Variants in NF1 observed in about 807,000 individuals in gnomAD.
NF1 encodes neurofibromin.
Under a neutral mutation model 325.7 loss-of-function variants are expected in NF1, and 122 were observed. The observed-to-expected ratio is 0.37, with a 90% CI of 0.32 to 0.44. NF1 has a LOEUF of 0.44. Among genes scored for constraint, NF1 ranks in the 20% least tolerant of loss-of-function variants. The pLI, the probability that NF1 is intolerant of heterozygous loss-of-function variation, is 1.00. For synonymous variants in NF1, 1,091 were observed against 1,186.0 expected (o/e 0.92, Z 1.65); for missense variants, 2,140 against 3,415.4 (o/e 0.63, Z 9.31).
At chr17:31,330,158 T>G in intron 38 of NF1, 138 bp from the exon 39 acceptor site, 1 of 763,612 alleles carries the variant, frequency 1.3e-6, no homozygotes, top group Non-Finnish European at 2.2e-6. Context: ...TTATAACATC[T>G]TATTTCTAAC....
intron 36 of NF1, chr17:31,295,131 T>G (rs1323835424): frequency 2.5e-6 from 4 of 1,614,150 alleles, no homozygotes; most frequent in Non-Finnish European, 3.4e-6. Context: ...CTCCATAAGT[T>G]AAGGGTTGTG....
At chr17:31,304,760 C>A in intron 36 of NF1, 1 of 1,614,114 alleles carries the variant, frequency 6.2e-7, no homozygotes, top group Non-Finnish European at 8.5e-7. Flanking sequence ...AAGTCATCTG[C>A]TAAAAGTGTG....
chr17:31,178,104 A>G (rs2066057222), intron 5 of NF1, among the ~76,000 whole-genome samples: 1 of 152,200 alleles, frequency 6.6e-6, no homozygotes, highest in African/African-American at 2.4e-5. Context: ...AAAAATATTA[A>G]GGGCAGCCAG....
intron 1 of NF1, among the ~76,000 whole-genome samples, chr17:31,114,833 G>A (rs1913758992): frequency 6.6e-6 from 1 of 152,128 alleles, no homozygotes; most frequent in African/African-American, 2.4e-5. Flanking sequence ...CAGCCTGGGC[G>A]ACAGAGCAAG....
At chr17:31,319,532 A>G (rs2069122778) in intron 36 of NF1, among the ~76,000 whole-genome samples, 1 of 152,148 alleles carries the variant, frequency 6.6e-6, no homozygotes, top group African/African-American at 2.4e-5. Context: ...GGTAGCAACC[A>G]AAAGAAACTG....
chr17:31,193,573 G>C (rs2066384393), intron 8 of NF1, among the ~76,000 whole-genome samples: 1 of 152,140 alleles, frequency 6.6e-6, no homozygotes, highest in Admixed American at 6.6e-5. Flanking sequence ...AGAGTGAAAA[G>C]ACAACCTACA....
At chr17:31,153,795 G>A (rs1917116398) in intron 1 of NF1, among the ~76,000 whole-genome samples, 1 of 141,152 alleles carries the variant, frequency 7.1e-6, no homozygotes, top group Non-Finnish European at 1.5e-5. Flanking sequence ...TTTTTTTAAA[G>A]TAAAGATGAG....
At chr17:31,306,555 A>G (rs914631242) in intron 36 of NF1, among the ~76,000 whole-genome samples, 1 of 152,276 alleles carries the variant, frequency 6.6e-6, no homozygotes, top group East Asian at 1.9e-4. Context: ...TCTTAGGCAC[A>G]GAGTCTATTA....
intron 8 of NF1, among the ~76,000 whole-genome samples, chr17:31,190,922 T>C (rs554397265): frequency 3.2e-4 from 48 of 152,356 alleles, no homozygotes; most frequent in African/African-American, 1.0e-3. Flanking sequence ...TTACCTTCTC[T>C]TTCAGAGGTA....
chr17:31,131,921 T>C (rs1915425917), intron 1 of NF1, among the ~76,000 whole-genome samples: 1 of 151,982 alleles, frequency 6.6e-6, no homozygotes, highest in African/African-American at 2.4e-5. Context: ...TTTTTTTTTC[T>C]GTTTGTGTAT....
intron 19 of NF1, 84 bp downstream of exon 19, chr17:31,227,375 T>A (rs2067034444): frequency 6.6e-7 from 1 of 1,504,018 alleles, no homozygotes; most frequent in African/African-American, 1.4e-5. Flanking sequence ...TGATCAGGAA[T>A]AGCTTTTGAA....
intron 1 of NF1, among the ~76,000 whole-genome samples, chr17:31,147,888 T>C (rs1916686354): frequency 6.6e-6 from 1 of 152,248 alleles, no homozygotes; most frequent in Admixed American, 6.5e-5. Context: ...TCTTCAGTTT[T>C]GCCAATCTAG....
At chr17:31,113,533 G>A (rs1211015219) in intron 1 of NF1, among the ~76,000 whole-genome samples, 1 of 151,768 alleles carries the variant, frequency 6.6e-6, no homozygotes. Context: ...ACTTGGCCAG[G>A]CCGTAAATTG....
intron 36 of NF1, among the ~76,000 whole-genome samples, chr17:31,312,802 A>G (rs1221732589): frequency 6.6e-6 from 1 of 152,146 alleles, no homozygotes; most frequent in African/African-American, 2.4e-5. Context: ...GAAATGGGAT[A>G]TCACCCACTA....
chr17:31,269,171 A>G (rs16972133), intron 36 of NF1, among the ~76,000 whole-genome samples: 4 of 152,128 alleles, frequency 2.6e-5, no homozygotes, highest in Non-Finnish European at 5.9e-5. Flanking sequence ...GACTACTTCT[A>G]GGTAATCTTA....
intron 1 of NF1, among the ~76,000 whole-genome samples, chr17:31,139,272 T>C (rs1916031190): frequency 6.6e-6 from 1 of 152,072 alleles, no homozygotes; most frequent in Non-Finnish European, 1.5e-5. Context: ...GGTCTGAAAC[T>C]CCTGTCCTCA....
chr17:31,336,802 C>T lies in NF1; in HGVS notation c.6315C>T (p.His2105=), dbSNP rs145732909. The T allele has an allele frequency of 3.9e-5, 63 of 1,614,068 alleles. No homozygotes were observed. The highest frequency in any genetic ancestry group is 1.5e-4 in the South Asian group (14 of 91,070). Residue 2105 remains histidine (H), a synonymous_variant, in exon 42 of 58, where the codon CAC becomes CAT. Transcript: ENST00000358273. The surrounding 1 kb of genome is among the most constrained non-coding windows in gnomAD (Gnocchi z 5.5). ...DVAAHLPYLF[H]VVTFLVATGP... ...CAGCTCATCTTCCCTACCTCTTCCACGTTGTTACTTTCTTAGTAGCCACAG... is the reference window on the plus strand; with the variant it reads ...CAGCTCATCTTCCCTACCTCTTCCATGTTGTTACTTTCTTAGTAGCCACAG...
At chr17:31,309,749 T>G (rs2068819113) in intron 36 of NF1, among the ~76,000 whole-genome samples, 1 of 152,158 alleles carries the variant, frequency 6.6e-6, no homozygotes, top group African/African-American at 2.4e-5. Flanking sequence ...AAACCCAGGT[T>G]AGTTTGTAAG....
Position 31,360,622 on chromosome 17 carries a change from C to G in NF1, c.8296C>G (p.Leu2766Val), listed in dbSNP as rs749647961. ...LTPTSPYPPA[L>V]QSQLSITANL... ...TCCCACATCTCCTTACCCTCCTGCA[C>G]TGCAGAGCCAGCTTAGTATCACTGC... The change falls in exon 57 of 58, where the codon CTG becomes GTG. Residue 2766 changes from leucine (L) to valine (V), a missense_variant. Transcript: ENST00000358273. 7.4e-6 allele frequency: 12 copies of G among 1,614,060 alleles called. No homozygotes were observed. In the South Asian group the frequency reaches 9.9e-5, roughly 13 times the overall value.
Sources: gnomAD v4.1 joint callset for allele counts (sites outside exome capture counted in the v4.1 genomes callset) on GRCh38, gnomAD v4.1.1 for gene constraint, Gnocchi (gnomAD v3.1) non-coding constraint, MANE v1.5 for transcripts, NCBI Gene and HGNC (gene_info 2026-07-23, HGNC 2026-07-21) for gene names.